DAW1: variants seen among roughly 807,000 people sequenced by gnomAD.
The protein encoded by DAW1 is dynein assembly factor with WD repeat domains 1.
A neutral mutation model predicts 56.5 loss-of-function variants in DAW1; 47 were observed. That is an observed-to-expected ratio of 0.83 (90% CI 0.66 to 1.06). The LOEUF (loss-of-function observed/expected upper bound fraction) is 1.06, where lower values mean the gene tolerates loss of function less well. Among genes scored for constraint, DAW1 ranks in the 50% least tolerant of loss-of-function variants. The pLI, the probability that DAW1 is intolerant of heterozygous loss-of-function variation, is 0.00. For synonymous variants in DAW1, 190 were observed against 179.0 expected, an observed-to-expected ratio of 1.06 and a Z score of -0.49; for missense variants, 505 against 499.3, an observed-to-expected ratio of 1.01 and a Z score of -0.11.
chr2:227,902,438 T>C lies in DAW1; in HGVS notation c.541-564T>C, dbSNP rs112792350. Reference sequence around the variant, plus strand: ...TGAAAGATCTTCTGGGGGAGGGGAGTGGGAAGGGAAATTTTGACCCTGGAT... The same window carrying C: ...TGAAAGATCTTCTGGGGGAGGGGAGCGGGAAGGGAAATTTTGACCCTGGAT... On this transcript the variant is annotated intron_variant, in intron 6 of 12. Coordinates refer to ENST00000309931, the MANE Select transcript of DAW1 (RefSeq NM_178821.3). Among the ~76,000 whole-genome samples the C allele has an allele frequency of 7.0e-3, 1,053 of 149,594 alleles. 17 individuals carry two copies. The highest frequency in any genetic ancestry group is 0.025 in the African/African-American group (1,005 of 40,538).
intron 1 of DAW1, chr2:227,876,456 A>G: frequency 7.7e-7 from 1 of 1,303,266 alleles, no homozygotes; most frequent in African/African-American, 1.5e-5. Context: ...TTGGTGAGCC[A>G]AATCATATGC....
Position 227,871,702 on chromosome 2 carries a change from A to G in DAW1, c.13A>G (p.Ser5Gly). The G allele has an allele frequency of 6.2e-7, 1 of 1,613,888 alleles. No homozygotes were observed. Among genetic ancestry groups the G allele is most frequent in the African/African-American group, 1.3e-5 (1 of 75,052 alleles). MKLK[S>G]LLLRYYPPGI... is the part of the protein sequence containing the mutation. Reference sequence around the variant, plus strand: ...AGAGAGCAAGAAAATGAAGCTCAAGAGCCTCCTGCTCCGGTATTACCCGCC... The same window carrying G: ...AGAGAGCAAGAAAATGAAGCTCAAGGGCCTCCTGCTCCGGTATTACCCGCC... The change falls in exon 1 of 13, where the codon AGC (serine) becomes GGC (glycine). Residue 5 changes from serine to glycine, a missense_variant. Ser to Gly is a moderately conservative substitution (Grantham distance 56, BLOSUM62 0). Coordinates refer to ENST00000309931, the MANE Select transcript of DAW1 (RefSeq NM_178821.3).
chr2:227,917,142 A>ATCTATCTGTCTGTCTGTCTG lies in DAW1; in HGVS notation c.974-1635_974-1634insATCTGTCTGTCTGTCTGTCT, dbSNP rs1162712241. 5.1e-5 allele frequency among the ~76,000 whole-genome samples: 7 copies of ATCTATCTGTCTGTCTGTCTG among 138,552 alleles called. No individual in the cohort carries two copies. The East Asian group carries it at 6.5e-4, about 13-fold the overall frequency. The allele number at this position is 138,552 out of a possible 152,430, so 90.9% of individuals were successfully genotyped here. Reference sequence around the variant, plus strand: ...TATCTATCTATCTATCTATCTATCTATCTGTCTGTCTGTCTGTCTGTCTGT... The same window carrying ATCTATCTGTCTGTCTGTCTG: ...TATCTATCTATCTATCTATCTATCTATCTATCTGTCTGTCTGTCTGTCTGTCTGTCTGTCTGTCTGTCTGT... On this transcript the variant is annotated intron_variant, in intron 10 of 12. Coordinates refer to ENST00000309931, the MANE Select transcript of DAW1 (RefSeq NM_178821.3).
At chr2:227,883,281 C>G (rs565197910) in intron 1 of DAW1, among the ~76,000 whole-genome samples, 1 of 152,166 alleles carries the variant, frequency 6.6e-6, no homozygotes, top group Non-Finnish European at 1.5e-5. Context: ...AGCTTACCAA[C>G]AGTAAGAGTT....
intron 10 of DAW1, among the ~76,000 whole-genome samples, chr2:227,909,201 TCACATCAC>T (rs1266997897): frequency 6.6e-6 from 1 of 150,970 alleles, no homozygotes; most frequent in East Asian, 1.9e-4. Context: ...GTCCACTATA[TCACATCAC>T]CACCTTTAGA....
At chr2:227,899,510 G>A (rs1691489174) in intron 6 of DAW1, among the ~76,000 whole-genome samples, 1 of 152,224 alleles carries the variant, frequency 6.6e-6, no homozygotes, top group Non-Finnish European at 1.5e-5. Context: ...TCCTGTAACT[G>A]TCAGTAGGGA....
At chr2:227,913,986 GTA>G (rs772486283) in intron 10 of DAW1, among the ~76,000 whole-genome samples, 5 of 114,972 alleles carry the variant, frequency 4.3e-5, no homozygotes, top group Non-Finnish European at 4.0e-5. Context: ...TCATATATCT[GTA>G]TCTCTCTCTC....
chr2:227,885,485 G>A (rs1574651081), intron 2 of DAW1, 62 bp downstream of exon 2: 1 of 1,274,784 alleles, frequency 7.8e-7, no homozygotes, highest in Non-Finnish European at 1.1e-6. Flanking sequence ...ACAGAGTGAT[G>A]TGTGGATGAG....
intron 10 of DAW1, among the ~76,000 whole-genome samples, chr2:227,907,871 T>C (rs1691723801): frequency 6.6e-6 from 1 of 152,214 alleles, no homozygotes; most frequent in Non-Finnish European, 1.5e-5. Flanking sequence ...CATATGATGT[T>C]ACCCTATGTT....
At chr2:227,893,272 G>A (rs1404480239) in intron 4 of DAW1, among the ~76,000 whole-genome samples, 1 of 149,760 alleles carries the variant, frequency 6.7e-6, no homozygotes, top group Non-Finnish European at 1.5e-5. Context: ...TCTGTCTCGG[G>A]GGTGGGGTGG....
chr2:227,876,013 A>T (rs1319910523), intron 1 of DAW1, among the ~76,000 whole-genome samples: 1 of 129,640 alleles, frequency 7.7e-6, no homozygotes, highest in Non-Finnish European at 1.6e-5. Flanking sequence ...AATGCCTAGG[A>T]TTCTCTCTTT....
In DAW1 at chr2:227,871,655, C is replaced by T. The variant is rs764659232; in HGVS notation, c.-35C>T. On this transcript the variant is annotated 5_prime_UTR_variant, in exon 1 of 13. The change creates a new upstream start codon in the 5' untranslated region. Coordinates refer to ENST00000309931, the MANE Select transcript of DAW1 (RefSeq NM_178821.3). ...TGCTGTTTAGCCGTTTCCAAGGCTA[C>T]GAAGCCCATCGGCCGGGGATAAGAG... The T allele has an allele frequency of 1.2e-6, 2 of 1,609,574 alleles. No homozygotes were observed. Among genetic ancestry groups the T allele is most frequent in the Non-Finnish European group, 1.7e-6 (2 of 1,177,904 alleles).
chr2:227,914,475 G>T (rs1168664485), intron 10 of DAW1, among the ~76,000 whole-genome samples: 1 of 151,822 alleles, frequency 6.6e-6, no homozygotes, highest in Non-Finnish European at 1.5e-5. Context: ...ATGATTCTAC[G>T]CTGAGCCATC....
intron 7 of DAW1, among the ~76,000 whole-genome samples, chr2:227,904,229 T>C (rs1691623674): frequency 6.6e-6 from 1 of 152,234 alleles, no homozygotes; most frequent in South Asian, 2.1e-4. Flanking sequence ...AAAAATCAAG[T>C]TATAATTCAA....
chr2:227,888,043 A>G (rs1013178373), intron 2 of DAW1, among the ~76,000 whole-genome samples: 4 of 152,214 alleles, frequency 2.6e-5, no homozygotes, highest in African/African-American at 9.6e-5. Context: ...TATCTTTTTG[A>G]CAATGAAATA....
intron 1 of DAW1, among the ~76,000 whole-genome samples, chr2:227,877,148 G>GA (rs1413325539): frequency 6.6e-6 from 1 of 152,150 alleles, no homozygotes; most frequent in Non-Finnish European, 1.5e-5. Flanking sequence ...AGTCACTGAA[G>GA]AAAAGCATGT....
rs138089616 is a variant in DAW1 at position 227,919,994 on chromosome 2, C to T, written c.1050+1138C>T. On this transcript the variant is annotated intron_variant, in intron 11 of 12. Coordinates refer to ENST00000309931, the MANE Select transcript of DAW1 (RefSeq NM_178821.3). ...CTCCAGGGCATGCAGACTATGGCCT[C>T]TTCATAAGCTGGGAGGCTTATGGAT... Among the ~76,000 whole-genome samples the T allele has an allele frequency of 2.3e-3, 349 of 152,210 alleles. 2 individuals are homozygous for T. The highest frequency in any genetic ancestry group is 8.2e-3 in the African/African-American group (340 of 41,518).
At chr2:227,872,790 T>G (rs1377539671) in intron 1 of DAW1, among the ~76,000 whole-genome samples, 1 of 151,082 alleles carries the variant, frequency 6.6e-6, no homozygotes, top group Non-Finnish European at 1.5e-5. Flanking sequence ...AGCACAGATT[T>G]CTTGGTCTAA....
chr2:227,902,917 T>A, intron 6 of DAW1, 85 bp from the exon 7 acceptor site: 1 of 1,337,438 alleles, frequency 7.5e-7, no homozygotes, highest in Non-Finnish European at 1.1e-6. Flanking sequence ...TCTGGTAAGG[T>A]AATTGCATCT....
Sources: allele counts gnomAD v4.1 joint callset (sites outside exome capture counted in the v4.1 genomes callset), GRCh38; gene constraint gnomAD v4.1.1; transcripts MANE v1.5; gene names NCBI Gene and HGNC (gene_info 2026-07-23, HGNC 2026-07-21).